ZNF620: variants seen among roughly 807,000 people sequenced by gnomAD.
ZNF620 encodes the protein zinc finger protein 620.
A neutral mutation model predicts 13.3 loss-of-function variants in ZNF620; 10 were observed. That is an observed-to-expected ratio of 0.75 (90% CI 0.46 to 1.28). The LOEUF is 1.28. Among genes scored for constraint, ZNF620 ranks in the 50% most tolerant of loss-of-function variants. ZNF620 has a pLI of 0.00. For synonymous variants in ZNF620, 166 were observed against 177.6 expected (o/e 0.93, Z 0.52); for missense variants, 461 against 500.2 (o/e 0.92, Z 0.75).
At chr3:40,514,903 TG>T (rs1320158295) in intron 4 of ZNF620, among the ~76,000 whole-genome samples, 3 of 152,206 alleles carry the variant, frequency 2.0e-5, no homozygotes, top group Admixed American at 6.5e-5. Flanking sequence ...CCCCAAGTCT[TG>T]AGTTTAAGTT....
rs1698379469 is a variant in ZNF620, at chr3:40,516,235, A to G, written c.641A>G (p.His214Arg). ...ATTCAAATGGCAGACTTCCACCGAC[A>G]TGAGAAATGTCACACTGGTGAAAAG... ...YFIQMADFHR[H>R]EKCHTGEKSF... Residue 214 changes from histidine to arginine, a missense_variant, in exon 5 of 5, where the codon CAT (histidine) becomes CGT (arginine). His to Arg is a conservative substitution (Grantham distance 29). Coordinates refer to ENST00000314529, the MANE Select transcript of ZNF620 (RefSeq NM_175888.4). 6.2e-7 allele frequency: 1 copy of G among 1,614,130 alleles called. No homozygotes were observed. The highest frequency in any genetic ancestry group is 1.3e-5 in the African/African-American group (1 of 75,074).
At chr3:40,513,317 AT>A (rs61419183) in intron 4 of ZNF620, among the ~76,000 whole-genome samples, 40,486 of 90,114 alleles carry the variant, frequency 0.45, 9,563 homozygotes, top group South Asian at 0.67. Context: ...AAAAAAAAAA[AT>A]ATATATATAT....
chr3:40,511,669 G>A, intron 3 of ZNF620, 73 bp downstream of exon 3: 1 of 1,556,604 alleles, frequency 6.4e-7, no homozygotes. Flanking sequence ...AGAACTTTGT[G>A]GGGTTTTTTT....
chr3:40,516,652 A>G lies in ZNF620; in HGVS notation c.1058A>G (p.Gln353Arg), dbSNP rs1698398696. The G allele has an allele frequency of 6.2e-7, 1 of 1,613,730 alleles. No individual in the cohort carries two copies. The highest frequency in any genetic ancestry group is 1.1e-5 in the South Asian group (1 of 91,036). Residue 353 changes from glutamine to arginine, a missense_variant, in exon 5 of 5, where the codon CAG becomes CGG. Physicochemically the swap from Gln to Arg is conservative, Grantham distance 43. Coordinates refer to ENST00000314529, the MANE Select transcript of ZNF620 (RefSeq NM_175888.4). The part of the protein sequence containing the change: ...KRLSSNTALT[Q>R]HQRIHTGEKP... ...TTAAGCTCCAACACAGCCTTGACTC[A>G]GCATCAGCGAATTCACACTGGGGAG... is the stretch of plus-strand genomic sequence containing the variant.
At position 40,516,835 on chromosome 3, in the gene ZNF620, A is replaced by C. The variant is rs763693150; in HGVS notation, c.1241A>C (p.His414Pro). ...CGRFILHQKL[H>P]TQKTPVQA ...AGATTCATTCTGCATCAGAAACTAC[A>C]CACTCAGAAGACACCTGTCCAAGCA... The change falls in exon 5 of 5, where the codon CAC becomes CCC. Residue 414 changes from histidine to proline, a missense_variant. Transcript: ENST00000314529. 1.3e-5 allele frequency: 21 copies of C among 1,611,606 alleles called. No homozygotes were observed. The African/African-American group carries it at 2.3e-4, about 17-fold the overall frequency.
rs1193351404 is a variant in ZNF620, at chr3:40,513,316, A to AAAAAACATATAT, written c.265+802_265+803insAAAACATATATA. Among the ~76,000 whole-genome samples, 36 of 62,676 alleles carry AAAAAACATATAT rather than the reference A, an allele frequency of 5.7e-4. 2 individuals are homozygous for AAAAAACATATAT. The highest frequency in any genetic ancestry group is 3.0e-3 in the African/African-American group (35 of 11,698). 41.1% of individuals were successfully genotyped at this position (62,676 alleles called of 152,430 possible). A position where few individuals can be genotyped will look rare whatever the true frequency, so the allele number is the denominator to read the frequency against. ...CCCGTCTCAACTAAAAAAAAAAAAA[A>AAAAAACATATAT]ATATATATATATATATATATATATA... is the stretch of plus-strand genomic sequence containing the variant. On this transcript the variant is annotated intron_variant, in intron 4 of 4. Transcript: ENST00000314529.
chr3:40,512,945 A>G (rs1456291370), intron 4 of ZNF620, among the ~76,000 whole-genome samples: 1 of 152,164 alleles, frequency 6.6e-6, no homozygotes, highest in African/African-American at 2.4e-5. Context: ...TTGTTTAAGC[A>G]CTGACTTAAA....
intron 2 of ZNF620, among the ~76,000 whole-genome samples, chr3:40,507,576 C>T (rs1203220736): frequency 6.6e-6 from 1 of 152,020 alleles, no homozygotes; most frequent in Non-Finnish European, 1.5e-5. Flanking sequence ...TTGCAGTTTT[C>T]TTTTCTTGTG....
chr3:40,508,447 A>C (rs2125655677), intron 2 of ZNF620, among the ~76,000 whole-genome samples: 1 of 152,206 alleles, frequency 6.6e-6, no homozygotes, highest in East Asian at 1.9e-4. Context: ...TGTGTTACTG[A>C]CTTTACAAAT....
At position 40,506,096 on chromosome 3, in the gene ZNF620, C is replaced by G. The variant is rs769528629; in HGVS notation, c.-92C>G. ...TTCCACGCTTTATCTGCGCCTGCGC[C>G]GCGCGGGATTCGCGGTCCGAGCTGA... On this transcript the variant is annotated 5_prime_UTR_variant, in exon 1 of 5. Transcript: ENST00000314529. The G allele has an allele frequency of 2.6e-4, 150 of 577,208 alleles. 1 individual carries two copies. The highest frequency in any genetic ancestry group is 4.7e-4 in the Middle Eastern group (1 of 2,136). 35.8% of individuals were successfully genotyped at this position (577,208 alleles called of 1,614,324 possible).
chr3:40,506,182 A>G (rs1372742579), intron 1 of ZNF620, 44 bp downstream of exon 1: 1 of 796,186 alleles, frequency 1.3e-6, no homozygotes, highest in Non-Finnish European at 2.1e-6. Context: ...CTGGTTTTGC[A>G]ACCCCTTTGC....
chr3:40,515,780 TTGTGTGTGTGTGTGTGTGTGTG>T (rs10550548), intron 4 of ZNF620, 58 bp from the exon 5 acceptor site: 4 of 941,114 alleles, frequency 4.3e-6, no homozygotes, highest in African/African-American at 1.7e-5. Context: ...AGCACAGATA[TTGTGTGTGTGTGTGTGTGTGTG>T]TGTGTGTGTG....
rs1054819923 is a variant in ZNF620 at position 40,517,447 on chromosome 3, C to G, written c.*584C>G. 2 of 151,930 alleles carry G rather than the reference C, an allele frequency of 1.3e-5. No individual in the cohort carries two copies. Among genetic ancestry groups the G allele is most frequent in the Admixed American group, 6.5e-5 (1 of 15,268 alleles). The allele number at this position is 151,930 out of a possible 1,614,324, so 9.4% of individuals were successfully genotyped here. On this transcript the variant is annotated 3_prime_UTR_variant, in exon 5 of 5. Coordinates refer to ENST00000314529, the MANE Select transcript of ZNF620 (RefSeq NM_175888.4). The stretch of plus-strand genomic sequence containing the variant: ...CCTGTAATCCCAGCTACTAGAGAGG[C>G]TGAGGCAGGAGAATCACTTGAATCC...
intron 4 of ZNF620, among the ~76,000 whole-genome samples, chr3:40,513,572 G>C (rs1193160024): frequency 6.6e-6 from 1 of 151,178 alleles, no homozygotes; most frequent in Non-Finnish European, 1.5e-5. Flanking sequence ...CTGGGGAGTG[G>C]AGGTCGTAGT....
At chr3:40,506,279 C>A in intron 1 of ZNF620, 25 bp from the exon 2 acceptor site, 3 of 1,593,958 alleles carry the variant, frequency 1.9e-6, no homozygotes, top group Non-Finnish European at 1.7e-6. Context: ...TCAATCTCAC[C>A]GGTGCTTCTT....
chr3:40,515,780 TTGTGTGTGTGTGTGTGTGTGTGTGTG>T, intron 4 of ZNF620, 54 bp from the exon 5 acceptor site: 8 of 940,242 alleles, frequency 8.5e-6, no homozygotes, highest in South Asian at 1.8e-5. Flanking sequence ...AGCACAGATA[TTGTGTGTGTGTGTGTGTGTGTGTGTG>T]TGTGTGTGTG....
rs1698007321 is a variant in ZNF620, at chr3:40,506,117, G to A, written c.-71G>A. On this transcript the variant is annotated 5_prime_UTR_variant, in exon 1 of 5. Transcript: ENST00000314529. ...GCGCCGCGCGGGATTCGCGGTCCGA[G>A]CTGAAGAGGTTCGCGGTCCGGGTAA... 2 of 610,358 alleles carry A rather than the reference G, an allele frequency of 3.3e-6. No homozygotes were observed. The highest frequency in any genetic ancestry group is 5.9e-6 in the Non-Finnish European group (2 of 340,802). 37.8% of individuals were successfully genotyped at this position (610,358 alleles called of 1,614,324 possible). A position where few individuals can be genotyped will look rare whatever the true frequency, so the allele number is the denominator to read the frequency against.
At chr3:40,514,849 A>G (rs1290365623) in intron 4 of ZNF620, among the ~76,000 whole-genome samples, 2 of 152,124 alleles carry the variant, frequency 1.3e-5, no homozygotes, top group Non-Finnish European at 2.9e-5. Flanking sequence ...TGCCTGTGAA[A>G]ATTTTCTGTG....
Position 40,515,888 on chromosome 3 carries a change from A to T in ZNF620, c.294A>T (p.Gly98=). The T allele has an allele frequency of 6.2e-7, 1 of 1,611,702 alleles. No individual in the cohort carries two copies. The highest frequency in any genetic ancestry group is 8.5e-7 in the Non-Finnish European group (1 of 1,178,982). Residue 98 remains glycine, a synonymous_variant, in exon 5 of 5, where the codon GGA becomes GGT. Coordinates refer to ENST00000314529, the MANE Select transcript of ZNF620 (RefSeq NM_175888.4). ...PGDEARTEKE[G]LTPKDHVSKE... is the part of the protein sequence containing the mutation. ...ATGAGGCCAGAACTGAGAAGGAAGG[A>T]TTAACTCCAAAGGATCATGTGTCCA...
Sources: gnomAD v4.1 joint callset for allele counts (sites outside exome capture counted in the v4.1 genomes callset) on GRCh38, gnomAD v4.1.1 for gene constraint, MANE v1.5 for transcripts, NCBI Gene and HGNC (gene_info 2026-07-23, HGNC 2026-07-21) for gene names.